The following OTUD7A variants were observed in gnomAD, a reference collection of about 807,000 sequenced individuals.
OTUD7A encodes the protein OTU domain-containing protein 7A.
Under a neutral mutation model 65.7 loss-of-function variants are expected in OTUD7A, and 12 were observed. The ratio of observed to expected loss-of-function variants is 0.18; its 90% CI spans 0.12 to 0.30. The LOEUF (loss-of-function observed/expected upper bound fraction) is 0.30. Ranked by LOEUF, OTUD7A falls within the 10% of genes least tolerant of loss-of-function variation. OTUD7A has a pLI of 1.00. For missense variants in OTUD7A, 1,148 were observed against 1,304.8 expected (o/e 0.88, Z 1.85); for synonymous variants, 641 against 586.3 (o/e 1.09, Z -1.35).
intron 5 of OTUD7A, among the ~76,000 whole-genome samples, chr15:31,551,408 A>T (rs1888320350): frequency 6.6e-6 from 1 of 152,242 alleles, no homozygotes; most frequent in South Asian, 2.1e-4. Flanking sequence ...AGACACGGGC[A>T]CTGGCATTGT....
At chr15:31,570,265 A>C in intron 3 of OTUD7A, 68 bp from the exon 4 acceptor site, 1 of 1,524,460 alleles carries the variant, frequency 6.6e-7, no homozygotes, top group Non-Finnish European at 9.0e-7. Context: ...ATAGAGAAGA[A>C]CTGTGACAAG....
At chr15:31,548,952 A>G (rs1566914244) in intron 5 of OTUD7A, among the ~76,000 whole-genome samples, 1 of 152,204 alleles carries the variant, frequency 6.6e-6, no homozygotes, top group East Asian at 1.9e-4. Flanking sequence ...ACTGACCAAC[A>G]TGGCAAAACC....
intron 3 of OTUD7A, among the ~76,000 whole-genome samples, chr15:31,571,581 C>T (rs1019051656): frequency 6.6e-6 from 1 of 152,186 alleles, no homozygotes; most frequent in African/African-American, 2.4e-5. Flanking sequence ...TAGGATAACA[C>T]AATCCATCTA....
chr15:31,487,226 C>T lies in OTUD7A; in HGVS notation c.1339G>A (p.Val447Met), dbSNP rs756227297. 10 of 1,614,016 alleles carry T rather than the reference C, an allele frequency of 6.2e-6. No individual in the cohort carries two copies. Among genetic ancestry groups the T allele is most frequent in the African/African-American group, 1.3e-5 (1 of 75,018 alleles). ...KLNLLHSYMN[V>M]TWIRIPSETR... ...TCGGAGGGGATCCGGATCCACGTCA[C>T]GTTCATGTAGCTGTGCAGAAGGTTC... Residue 447 changes from valine (V) to methionine (M), a missense_variant, in exon 12 of 13, where the codon GTG becomes ATG. Val to Met is a conservative substitution (Grantham distance 21, BLOSUM62 1). Transcript: ENST00000307050. The surrounding 1 kb of genome is among the most constrained non-coding windows in gnomAD (Gnocchi z 6.0).
intron 1 of OTUD7A, among the ~76,000 whole-genome samples, chr15:31,802,089 ATGTGTGTGTATATATGTGTGTGTGTG>A (rs1567030955): frequency 8.2e-6 from 1 of 121,914 alleles, no homozygotes; most frequent in African/African-American, 3.1e-5. Flanking sequence ...TGGAATATAT[ATGTGTGTGTATATATGTGTGTGTGTG>A]TGTGTGTGTG....
intron 1 of OTUD7A, among the ~76,000 whole-genome samples, chr15:31,741,993 T>A (rs578245561): frequency 8.6e-5 from 13 of 151,986 alleles, no homozygotes; most frequent in African/African-American, 3.1e-4. Flanking sequence ...CCTAGAAAAA[T>A]AAAACTTACC....
chr15:31,490,446 T>C (rs901717863), intron 10 of OTUD7A, among the ~76,000 whole-genome samples: 4 of 152,196 alleles, frequency 2.6e-5, no homozygotes, highest in Admixed American at 6.5e-5. Flanking sequence ...TGGAAGAGCA[T>C]TGTTCCACCA....
At chr15:31,740,931 T>A (rs1271122477) in intron 1 of OTUD7A, among the ~76,000 whole-genome samples, 1 of 152,232 alleles carries the variant, frequency 6.6e-6, no homozygotes, top group Non-Finnish European at 1.5e-5. Flanking sequence ...AAAAAGCATT[T>A]GCTAGTGATA....
At chr15:31,578,739 G>A (rs1422334469) in intron 3 of OTUD7A, among the ~76,000 whole-genome samples, 1 of 152,104 alleles carries the variant, frequency 6.6e-6, no homozygotes, top group African/African-American at 2.4e-5. Flanking sequence ...TTTAGTAGAG[G>A]TGGGGTTTCC....
At chr15:31,533,640 C>G (rs991341811) in intron 5 of OTUD7A, among the ~76,000 whole-genome samples, 5 of 152,116 alleles carry the variant, frequency 3.3e-5, no homozygotes, top group Admixed American at 2.6e-4. Flanking sequence ...TTGTTCCTAG[C>G]AAGCCTACCT....
In OTUD7A at chr15:31,484,956, A is replaced by C. The variant is rs2041215793; in HGVS notation, c.1372-232T>G. Among the ~76,000 whole-genome samples, 1 of 152,134 alleles carries C rather than the reference A, an allele frequency of 6.6e-6. No homozygotes were observed. The highest frequency in any genetic ancestry group is 1.5e-5 in the Non-Finnish European group (1 of 68,022). ...AGTAAAAGGATGTAGGGACCTCTTAACTGCGTGTGTCTTCTGGCCAGGGAA... is the reference window on the plus strand; with the variant it reads ...AGTAAAAGGATGTAGGGACCTCTTACCTGCGTGTGTCTTCTGGCCAGGGAA... On this transcript the variant is annotated intron_variant, in intron 12 of 12. Transcript: ENST00000307050. This position sits in a 1 kb window ranked among gnomAD's most constrained non-coding sequence, Gnocchi z 4.5.
At chr15:31,643,382 C>CTT (rs537978793) in intron 3 of OTUD7A, among the ~76,000 whole-genome samples, 1 of 151,986 alleles carries the variant, frequency 6.6e-6, no homozygotes, top group Non-Finnish European at 1.5e-5. Context: ...TAACCTTTCT[C>CTT]TTTTTTTTGT....
intron 1 of OTUD7A, among the ~76,000 whole-genome samples, chr15:31,696,917 G>A (rs1243549741): frequency 2.7e-5 from 4 of 150,692 alleles, no homozygotes; most frequent in Admixed American, 6.6e-5. Flanking sequence ...GTCAGGGAGA[G>A]GAGACTGCTG....
At chr15:31,590,952 C>T (rs955923283) in intron 3 of OTUD7A, among the ~76,000 whole-genome samples, 1 of 152,162 alleles carries the variant, frequency 6.6e-6, no homozygotes, top group Non-Finnish European at 1.5e-5. Context: ...AATAAAGATG[C>T]GTATGTGCTT....
intron 1 of OTUD7A, among the ~76,000 whole-genome samples, chr15:31,818,500 G>A (rs994104564): frequency 3.9e-5 from 6 of 152,168 alleles, no homozygotes; most frequent in African/African-American, 1.4e-4. Flanking sequence ...GGGAGACAGC[G>A]GCCTCCCTGT....
chr15:31,511,069 A>ATATGTATATCTATATGTAACATACATATG (rs2041714079), intron 8 of OTUD7A, among the ~76,000 whole-genome samples: 1 of 70,812 alleles, frequency 1.4e-5, no homozygotes, highest in Admixed American at 2.0e-4. Context: ...ACATACATAT[A>ATATGTATATCTATATGTAACATACATATG]TATGTATATC....
rs1383446036 is a variant in OTUD7A, at chr15:31,483,845, A to C, written c.2251T>G (p.Ser751Ala). Residue 751 changes from serine (S) to alanine (A), a missense_variant, in exon 13 of 13, where the codon TCC (serine) becomes GCC (alanine). This residue lies in a region of OTUD7A where 842 missense variants were observed against 769.5 expected (regional missense o/e 1.09). Transcript: ENST00000307050. ...GCACGCCGCGCGCCTCCCCCCGGGGAGGCCGTGCCGCCCGCCGCCGCCCGC... is the reference window on the plus strand; with the variant it reads ...GCACGCCGCGCGCCTCCCCCCGGGGCGGCCGTGCCGCCCGCCGCCGCCCGC... ...AARAAAGGTA[S>A]PGGGARRASA... 4.1e-6 allele frequency: 4 copies of C among 980,776 alleles called. No individual in the cohort carries two copies. The African/African-American group carries it at 7.2e-5, about 18-fold the overall frequency. 60.8% of individuals were successfully genotyped at this position (980,776 alleles called of 1,614,324 possible). A position where few individuals can be genotyped will look rare whatever the true frequency, so the allele number is the denominator to read the frequency against.
At chr15:31,674,224 T>G (rs36126666) in intron 1 of OTUD7A, among the ~76,000 whole-genome samples, 8,611 of 152,142 alleles carry the variant, frequency 0.057, 820 homozygotes, top group African/African-American at 0.2. Context: ...AGCATGGGTG[T>G]TGGCCGGGCA....
intron 1 of OTUD7A, among the ~76,000 whole-genome samples, chr15:31,833,253 C>G (rs553427633): frequency 6.6e-6 from 1 of 152,266 alleles, no homozygotes; most frequent in South Asian, 2.1e-4. Flanking sequence ...CAGAGAATGC[C>G]CAGGGATGGC....
Sources: gnomAD v4.1 joint callset for allele counts (sites outside exome capture counted in the v4.1 genomes callset) on GRCh38, gnomAD v4.1.1 for gene constraint, gnomAD v4.1.1 regional missense constraint, Gnocchi (gnomAD v3.1) non-coding constraint, MANE v1.5 for transcripts, NCBI Gene and HGNC (gene_info 2026-07-23, HGNC 2026-07-21) for gene names.